RBFOX1: variants seen among roughly 807,000 people sequenced by gnomAD.
The protein encoded by RBFOX1 is RNA binding protein fox-1 homolog 1.
RBFOX1 carries 8 observed loss-of-function variants against 57.7 expected under a neutral mutation model. The observed-to-expected ratio is 0.14, with a 90% CI of 0.08 to 0.25. The LOEUF is 0.25. Ranked by LOEUF, RBFOX1 falls within the 10% of genes least tolerant of loss-of-function variation. The pLI is 1.00. For synonymous variants in RBFOX1, 326 were observed against 222.4 expected (o/e 1.47, Z -4.15); for missense variants, 611 against 548.5 (o/e 1.11, Z -1.14).
At chr16:6,791,192 C>T (rs1372969778) in intron 3 of RBFOX1, among the ~76,000 whole-genome samples, 3 of 152,142 alleles carry the variant, frequency 2.0e-5, no homozygotes, top group Non-Finnish European at 4.4e-5. Context: ...CTGGTGTGAG[C>T]CACCACACCC....
At position 6,858,524 on chromosome 16, in the gene RBFOX1, C is replaced by T. The variant is rs563344080; in HGVS notation, c.-15-193533C>T. ...ACTCCTTGAAGCTGCTTTTGTATCACGCTTGCTTGTTTTACTTAGAATCGT... is the reference window on the plus strand; with the variant it reads ...ACTCCTTGAAGCTGCTTTTGTATCATGCTTGCTTGTTTTACTTAGAATCGT... On this transcript the variant is annotated intron_variant, in intron 3 of 15. Coordinates refer to ENST00000550418, the MANE Select transcript of RBFOX1 (RefSeq NM_018723.4). 3.3e-5 allele frequency among the ~76,000 whole-genome samples: 5 copies of T among 152,218 alleles called. No homozygotes were observed. In the South Asian group the frequency reaches 6.2e-4, roughly 19 times the overall value.
At chr16:6,579,204 AT>A (rs1247354532) in intron 2 of RBFOX1, among the ~76,000 whole-genome samples, 1 of 151,532 alleles carries the variant, frequency 6.6e-6, no homozygotes, top group Non-Finnish European at 1.5e-5. Context: ...CTTTTTTGTT[AT>A]TGTTGTTTTT....
chr16:7,694,894 TC>T (rs2078301847), intron 14 of RBFOX1, among the ~76,000 whole-genome samples: 1 of 152,152 alleles, frequency 6.6e-6, no homozygotes, highest in Admixed American at 6.5e-5. Flanking sequence ...GCTTCTGCCT[TC>T]TGTTAACCCC....
At chr16:6,295,346 G>A (rs200192204) in intron 1 of RBFOX1, among the ~76,000 whole-genome samples, 36,255 of 151,890 alleles carry the variant, frequency 0.24, 4,413 homozygotes, top group South Asian at 0.25. Context: ...GGATGGTCTC[G>A]ATCCCTTGAC....
At chr16:6,325,521 A>T (rs2082274979) in intron 2 of RBFOX1, among the ~76,000 whole-genome samples, 1 of 152,218 alleles carries the variant, frequency 6.6e-6, no homozygotes, top group African/African-American at 2.4e-5. Context: ...GAATCCCTTC[A>T]TTTAAACTAA....
At position 6,019,929 on chromosome 16, in the gene RBFOX1, G is replaced by C. The variant is rs2095033774; in HGVS notation, c.-190G>C. The C allele has an allele frequency of 6.5e-7, 1 of 1,534,592 alleles. No individual in the cohort carries two copies. Among genetic ancestry groups the C allele is most frequent in the South Asian group, 1.2e-5 (1 of 83,950 alleles). ...GAGTGTGGCTGGGGGTGCAGAGAGC[G>C]CACGGGAATTCGGGGGTCTGGGGCC... On this transcript the variant is annotated 5_prime_UTR_variant, in exon 1 of 16. Coordinates refer to ENST00000550418, the MANE Select transcript of RBFOX1 (RefSeq NM_018723.4). This position sits in a 1 kb window ranked among gnomAD's most constrained non-coding sequence, Gnocchi z 4.2.
intron 4 of RBFOX1, among the ~76,000 whole-genome samples, chr16:7,504,709 TTATATATATATATATATATATATATA>T (rs1181491515): frequency 4.0e-5 from 3 of 74,558 alleles, no homozygotes; most frequent in East Asian, 1.4e-3. Flanking sequence ...TGAAGTGAGA[TTATATATATATATATATATATATATA>T]TATATATATA....
intron 3 of RBFOX1, among the ~76,000 whole-genome samples, chr16:6,980,642 G>C: frequency 1.3e-5 from 2 of 152,260 alleles, no homozygotes; most frequent in Admixed American, 1.3e-4. Flanking sequence ...GAAGGTGTTG[G>C]TATTTCTCAA....
At chr16:6,115,150 T>C (rs894458116) in intron 1 of RBFOX1, among the ~76,000 whole-genome samples, 1 of 152,198 alleles carries the variant, frequency 6.6e-6, no homozygotes, top group Non-Finnish European at 1.5e-5. Flanking sequence ...GTATTGCTTT[T>C]ATCACCATTT....
chr16:5,398,504 G>C (rs969114159), intron 1 of RBFOX1, among the ~76,000 whole-genome samples: 2 of 152,034 alleles, frequency 1.3e-5, no homozygotes, highest in Admixed American at 1.3e-4. Flanking sequence ...GGGTGTGCAT[G>C]TGAGCAGGTG....
intron 2 of RBFOX1, among the ~76,000 whole-genome samples, chr16:6,352,362 A>C (rs1386910494): frequency 6.6e-6 from 1 of 152,218 alleles, no homozygotes; most frequent in Non-Finnish European, 1.5e-5. Flanking sequence ...TATTTGTTGA[A>C]ATAATGATGC....
intron 4 of RBFOX1, among the ~76,000 whole-genome samples, chr16:7,392,008 C>G (rs1464459807): frequency 6.6e-6 from 1 of 152,224 alleles, no homozygotes; most frequent in Non-Finnish European, 1.5e-5. Flanking sequence ...CTTCCTTCCC[C>G]TCCTGCCTTT....
At chr16:5,334,429 T>C (rs1470342453) in intron 1 of RBFOX1, among the ~76,000 whole-genome samples, 1 of 152,068 alleles carries the variant, frequency 6.6e-6, no homozygotes, top group Non-Finnish European at 1.5e-5. Flanking sequence ...TGTCAGACTG[T>C]ATGGAATTCT....
intron 3 of RBFOX1, among the ~76,000 whole-genome samples, chr16:5,650,314 A>G (rs912426005): frequency 2.1e-5 from 3 of 145,728 alleles, no homozygotes; most frequent in African/African-American, 7.5e-5. Context: ...TCCTCTTCAG[A>G]GGCAGCCACG....
At chr16:5,923,479 C>T (rs915470769) in intron 4 of RBFOX1, among the ~76,000 whole-genome samples, 4 of 149,910 alleles carry the variant, frequency 2.7e-5, no homozygotes, top group African/African-American at 9.8e-5. Flanking sequence ...TCACGGAGAG[C>T]AGAGGACAGA....
intron 4 of RBFOX1, among the ~76,000 whole-genome samples, chr16:7,311,688 C>A (rs1020585564): frequency 6.6e-6 from 1 of 152,056 alleles, no homozygotes; most frequent in Non-Finnish European, 1.5e-5. Context: ...GAAGGAACAG[C>A]GAGGTTTACA....
chr16:6,946,550 A>G (rs769030504), intron 3 of RBFOX1, among the ~76,000 whole-genome samples: 5 of 152,136 alleles, frequency 3.3e-5, no homozygotes, highest in Non-Finnish European at 7.3e-5. Context: ...CTTCTTTCAT[A>G]AAAGCTTCTT....
intron 2 of RBFOX1, among the ~76,000 whole-genome samples, chr16:6,471,206 G>A (rs1324653577): frequency 6.6e-6 from 1 of 152,122 alleles, no homozygotes; most frequent in Non-Finnish European, 1.5e-5. Flanking sequence ...TGGTTTGAAT[G>A]CCTTTCTCCC....
intron 1 of RBFOX1, among the ~76,000 whole-genome samples, chr16:6,289,064 AT>A (rs1441892649): frequency 6.6e-6 from 1 of 152,070 alleles, no homozygotes; most frequent in African/African-American, 2.4e-5. Context: ...TATGCCCTTG[AT>A]TTGTGTTCAA....
Sources: allele counts gnomAD v4.1 joint callset (sites outside exome capture counted in the v4.1 genomes callset), GRCh38; gene constraint gnomAD v4.1.1; non-coding constraint Gnocchi (gnomAD v3.1); transcripts MANE v1.5; gene names NCBI Gene and HGNC (gene_info 2026-07-23, HGNC 2026-07-21).